Variants in FGGY observed in about 807,000 individuals in gnomAD.
The protein encoded by FGGY is FGGY carbohydrate kinase domain-containing protein.
FGGY carries 72 observed loss-of-function variants against 71.3 expected under a neutral mutation model. The ratio of observed to expected loss-of-function variants is 1.01; its 90% confidence interval spans 0.84 to 1.23. The LOEUF (loss-of-function observed/expected upper bound fraction) is 1.23. Ranked by LOEUF, FGGY falls within the 50% of genes most tolerant of loss-of-function variation. The pLI, the probability that FGGY is intolerant of heterozygous loss-of-function variation, is 0.00. For missense variants in FGGY, 668 were observed against 682.3 expected (o/e 0.98, Z 0.23); for synonymous variants, 251 against 250.3 (o/e 1.00, Z -0.02).
intron 1 of FGGY, chr1:59,315,628 C>G (rs2045301900): frequency 6.6e-6 from 1 of 152,196 alleles, no homozygotes; most frequent in African/African-American, 2.4e-5. Flanking sequence ...TCTCAGTATT[C>G]AGGGAATGGA....
chr1:59,607,867 G>C lies in FGGY; in HGVS notation c.968G>C (p.Gly323Ala). Residue 323 changes from glycine (G) to alanine (A), a missense_variant, in exon 9 of 16, where the codon GGG becomes GCG. Gly to Ala is a moderately conservative substitution (Grantham distance 60). Around this residue, in one of 2 missense-constraint regions of FGGY, gnomAD observed 661 missense variants for 661.6 expected, o/e 1.00. Coordinates refer to ENST00000303721, the MANE Select transcript of FGGY (RefSeq NM_018291.5). ...WGPYFSAMVP[G>A]FWLNEGGQSV... ...CCTTATTTCTCAGCCATGGTACCTG[G>C]GTTCTGGCTGAATGAAGGTGGTCAG... 1 of 1,614,074 alleles carries C rather than the reference G, an allele frequency of 6.2e-7. No homozygotes were observed. The highest frequency in any genetic ancestry group is 8.5e-7 in the Non-Finnish European group (1 of 1,179,966).
chr1:59,455,624 C>T (rs548363044), intron 5 of FGGY, among the ~76,000 whole-genome samples: 49 of 152,098 alleles, frequency 3.2e-4, no homozygotes, highest in Admixed American at 3.0e-3. Context: ...ATAAAGTTTG[C>T]CCTGGGTACA....
intron 14 of FGGY, among the ~76,000 whole-genome samples, chr1:59,752,646 C>G (rs1344030311): frequency 6.6e-6 from 1 of 152,232 alleles, no homozygotes; most frequent in East Asian, 1.9e-4. Flanking sequence ...TGGTAACTCA[C>G]TCCAACATGG....
chr1:59,492,535 C>T (rs987534302), intron 6 of FGGY, among the ~76,000 whole-genome samples: 1 of 152,134 alleles, frequency 6.6e-6, no homozygotes, highest in Non-Finnish European at 1.5e-5. Context: ...TAAAGCCTGG[C>T]TGCTGGAGTT....
intron 8 of FGGY, among the ~76,000 whole-genome samples, chr1:59,584,046 C>G (rs1425019630): frequency 6.7e-6 from 1 of 149,540 alleles, no homozygotes; most frequent in Non-Finnish European, 1.5e-5. Flanking sequence ...AAAAAAAGTC[C>G]AGGACCGGAT....
chr1:59,687,576 C>T (rs182822433), intron 14 of FGGY, among the ~76,000 whole-genome samples: 4 of 152,054 alleles, frequency 2.6e-5, no homozygotes, highest in African/African-American at 9.6e-5. Flanking sequence ...ACGCCATTCT[C>T]CTGCCTCAGC....
At position 59,667,356 on chromosome 1, in the gene FGGY, G is replaced by C; in HGVS notation, c.1370G>C (p.Gly457Ala). The change falls in exon 13 of 16, where the codon GGC becomes GCC. Residue 457 changes from glycine to alanine, a missense_variant. Physicochemically the swap from Gly to Ala is moderately conservative, Grantham distance 60. This residue lies in a region of FGGY where 661 missense variants were observed against 661.6 expected (regional missense o/e 1.00). Transcript: ENST00000303721. ...HSISTLFLCGGLSKNPLFVQM... is the reference protein window; with the variant it reads ...HSISTLFLCGALSKNPLFVQM... Reference sequence around the variant, plus strand: ...ATCAGTACTCTTTTCCTATGTGGAGGCCTCAGCAAGAATCCCCTTTTTGTG... The same window carrying C: ...ATCAGTACTCTTTTCCTATGTGGAGCCCTCAGCAAGAATCCCCTTTTTGTG... 6.2e-7 allele frequency: 1 copy of C among 1,614,156 alleles called. No homozygotes were observed. The highest frequency in any genetic ancestry group is 8.5e-7 in the Non-Finnish European group (1 of 1,180,014).
At chr1:59,318,984 TA>T (rs2045932016) in intron 1 of FGGY, among the ~76,000 whole-genome samples, 1 of 152,230 alleles carries the variant, frequency 6.6e-6, no homozygotes, top group Admixed American at 6.5e-5. Flanking sequence ...TTGCAGCTAA[TA>T]AAATTGAGGA....
intron 4 of FGGY, among the ~76,000 whole-genome samples, chr1:59,352,275 A>T (rs72911688): frequency 6.0e-4 from 92 of 152,328 alleles, no homozygotes; most frequent in African/African-American, 2.1e-3. Flanking sequence ...GCTGATGTGG[A>T]TCCTGACAGC....
At chr1:59,706,700 T>C (rs1256775225) in intron 14 of FGGY, among the ~76,000 whole-genome samples, 1 of 152,170 alleles carries the variant, frequency 6.6e-6, no homozygotes, top group Admixed American at 6.5e-5. Flanking sequence ...ATACAGAGAC[T>C]ATCCTAATTC....
chr1:59,613,467 A>G (rs2096713523), intron 9 of FGGY, among the ~76,000 whole-genome samples: 1 of 152,228 alleles, frequency 6.6e-6, no homozygotes, highest in Non-Finnish European at 1.5e-5. Flanking sequence ...AAGACACAAC[A>G]TACCAGAATC....
At chr1:59,436,011 G>T (rs2068377847) in intron 5 of FGGY, among the ~76,000 whole-genome samples, 1 of 152,100 alleles carries the variant, frequency 6.6e-6, no homozygotes, top group Admixed American at 6.5e-5. Flanking sequence ...GTGAGAAGTG[G>T]CACAGTCGGG....
At chr1:59,586,862 G>C (rs1010873925) in intron 8 of FGGY, among the ~76,000 whole-genome samples, 1 of 152,226 alleles carries the variant, frequency 6.6e-6, no homozygotes, top group Non-Finnish European at 1.5e-5. Context: ...CCCAGCGTGA[G>C]TGACGCAGAA....
At chr1:59,334,164 A>T (rs2049017373) in intron 2 of FGGY, among the ~76,000 whole-genome samples, 1 of 151,734 alleles carries the variant, frequency 6.6e-6, no homozygotes, top group African/African-American at 2.4e-5. Context: ...TTTTTTTGAG[A>T]TGGAGTCTCA....
At chr1:59,431,605 C>T (rs1487309770) in intron 5 of FGGY, among the ~76,000 whole-genome samples, 1 of 152,210 alleles carries the variant, frequency 6.6e-6, no homozygotes, top group Non-Finnish European at 1.5e-5. Flanking sequence ...CTGCATTGGA[C>T]TGTGCTTAAC....
At chr1:59,711,759 C>T (rs140560326) in intron 14 of FGGY, among the ~76,000 whole-genome samples, 2 of 152,312 alleles carry the variant, frequency 1.3e-5, no homozygotes, top group African/African-American at 4.8e-5. Context: ...CATTCACTAT[C>T]ATGAGAAGAG....
Position 59,617,850 on chromosome 1 carries a change from A to G in FGGY, c.1012-8138A>G, listed in dbSNP as rs570100025. On this transcript the variant is annotated intron_variant, in intron 9 of 15. Coordinates refer to ENST00000303721, the MANE Select transcript of FGGY (RefSeq NM_018291.5). Reference sequence around the variant, plus strand: ...GGATTGAGTCACAAGGTCACAATGCAACAAGTTACTATGTGCTCTTGGGAT... The same window carrying G: ...GGATTGAGTCACAAGGTCACAATGCGACAAGTTACTATGTGCTCTTGGGAT... 2.2e-4 allele frequency among the ~76,000 whole-genome samples: 34 copies of G among 152,200 alleles called. 1 individual carries two copies. The highest frequency in any genetic ancestry group is 6.8e-3 in the Middle Eastern group (2 of 294).
intron 5 of FGGY, among the ~76,000 whole-genome samples, chr1:59,404,741 G>A (rs1429360285): frequency 6.6e-6 from 1 of 152,172 alleles, no homozygotes; most frequent in Non-Finnish European, 1.5e-5. Context: ...TGGTAAGGTA[G>A]GCTTGATTGA....
At chr1:59,296,683 A>ACG (rs1557464157), upstream of FGGY, 34 of 142,358 alleles carry the variant, frequency 2.4e-4, no homozygotes, top group African/African-American at 8.8e-4. Flanking sequence ...CGCGCTTTAC[A>ACG]GGGGCCGCGC....
Sources: gnomAD v4.1 joint callset for allele counts (sites outside exome capture counted in the v4.1 genomes callset) on GRCh38, gnomAD v4.1.1 for gene constraint, gnomAD v4.1.1 regional missense constraint, MANE v1.5 for transcripts, NCBI Gene and HGNC (gene_info 2026-07-23, HGNC 2026-07-21) for gene names.